Variants in NTM observed in about 807,000 individuals in gnomAD.
NTM encodes the protein neurotrimin.
In NTM, 13 loss-of-function variants were observed where a neutral mutation model predicts 42.1. The observed-to-expected ratio is 0.31, with a 90% CI of 0.20 to 0.49. The LOEUF (loss-of-function observed/expected upper bound fraction) is 0.49, where lower values mean the gene tolerates loss of function less well. Among genes scored for constraint, NTM ranks in the 20% least tolerant of loss-of-function variants. The probability of loss-of-function intolerance (pLI) is 0.99; values close to 1 mark genes in which losing one functional copy is unlikely to be tolerated. For missense variants in NTM, 373 were observed against 452.8 expected, an observed-to-expected ratio of 0.82 and a Z score of 1.60; for synonymous variants, 187 against 179.2, an observed-to-expected ratio of 1.04 and a Z score of -0.35.
chr11:131,904,071 A>C (rs1049235950), intron 1 of NTM, among the ~76,000 whole-genome samples: 7 of 152,176 alleles, frequency 4.6e-5, no homozygotes, highest in African/African-American at 1.7e-4. Flanking sequence ...ATATATTTGC[A>C]CAAATGTCAC....
rs765144275 is a variant in NTM at position 132,314,632 on chromosome 11, A to G, written c.863A>G (p.His288Arg). The G allele has an allele frequency of 8.7e-6, 14 of 1,613,908 alleles. 1 individual carries two copies. The South Asian group carries it at 1.2e-4, about 14-fold the overall frequency. The stretch of plus-strand genomic sequence containing the variant: ...CTCATCTTCTTCAATGTCTCTGAAC[A>G]TGACTATGGGAACTACACTTGCGTG... ...SKLIFFNVSE[H>R]DYGNYTCVAS... Residue 288 changes from histidine to arginine, a missense_variant, in exon 7 of 9, where the codon CAT (histidine) becomes CGT (arginine). His to Arg is a conservative substitution (Grantham distance 29). Around this residue, in one of 3 missense-constraint regions of NTM, gnomAD observed 312 missense variants for 353.5 expected, o/e 0.88. Coordinates refer to ENST00000683400, the MANE Select transcript of NTM (RefSeq NM_001352005.2).
chr11:131,594,971 A>C (rs1397648168), intron 1 of NTM, among the ~76,000 whole-genome samples: 1 of 152,216 alleles, frequency 6.6e-6, no homozygotes, highest in Admixed American at 6.5e-5. Context: ...TCTTACTTAT[A>C]AAACTGGTCT....
chr11:131,813,661 C>T (rs1278593539), intron 1 of NTM, among the ~76,000 whole-genome samples: 2 of 152,096 alleles, frequency 1.3e-5, no homozygotes, highest in African/African-American at 4.8e-5. Context: ...ACTGAGTTCC[C>T]CCAATAAAAT....
chr11:131,789,637 AAGAAGAAG>A (rs2090489838), intron 1 of NTM, among the ~76,000 whole-genome samples: 2 of 24,396 alleles, frequency 8.2e-5, no homozygotes, highest in Admixed American at 5.3e-4. Flanking sequence ...AGAAGAAGAA[AAGAAGAAG>A]AAGAAGAAGA....
At chr11:132,176,397 T>G (rs972701057) in intron 3 of NTM, among the ~76,000 whole-genome samples, 11 of 152,300 alleles carry the variant, frequency 7.2e-5, no homozygotes, top group Admixed American at 6.5e-4. Flanking sequence ...AGAAAGGTTT[T>G]TCATCTCAAT....
intron 1 of NTM, among the ~76,000 whole-genome samples, chr11:131,497,958 A>G (rs2136338657): frequency 6.6e-6 from 1 of 152,336 alleles, no homozygotes. Flanking sequence ...GAATTAGCTT[A>G]GACTGTGTGG....
intron 3 of NTM, among the ~76,000 whole-genome samples, chr11:132,171,062 A>G (rs1328373623): frequency 6.6e-6 from 1 of 152,184 alleles, no homozygotes; most frequent in Admixed American, 6.5e-5. Flanking sequence ...ACTAAATGTC[A>G]CATGTTTTTC....
At chr11:131,397,367 T>C (rs1591554490) in intron 1 of NTM, among the ~76,000 whole-genome samples, 1 of 152,198 alleles carries the variant, frequency 6.6e-6, no homozygotes, top group Non-Finnish European at 1.5e-5. Context: ...AAGTACTCCT[T>C]CAGAATAGCT....
intron 1 of NTM, among the ~76,000 whole-genome samples, chr11:131,475,138 C>G (rs1952796041): frequency 6.6e-6 from 1 of 152,192 alleles, no homozygotes; most frequent in African/African-American, 2.4e-5. Flanking sequence ...GTAGTCTGTT[C>G]TCCCAGTTGG....
At chr11:132,007,857 G>T (rs2071165423) in intron 2 of NTM, among the ~76,000 whole-genome samples, 2 of 152,072 alleles carry the variant, frequency 1.3e-5, no homozygotes, top group Non-Finnish European at 2.9e-5. Flanking sequence ...GCCAACTGAG[G>T]ATGAATTTTT....
intron 1 of NTM, among the ~76,000 whole-genome samples, chr11:131,433,101 C>G (rs1051499236): frequency 3.9e-5 from 6 of 151,944 alleles, no homozygotes; most frequent in African/African-American, 1.5e-4. Flanking sequence ...TCGTGATCCC[C>G]CCGTCTCGGC....
intron 1 of NTM, among the ~76,000 whole-genome samples, chr11:131,762,429 T>A (rs763811927): frequency 3.3e-5 from 5 of 152,210 alleles, no homozygotes; most frequent in Admixed American, 6.5e-5. Context: ...GAGTTCTACA[T>A]GTTCTTCATC....
chr11:131,902,882 T>C (rs899330264), intron 1 of NTM, among the ~76,000 whole-genome samples: 2 of 152,252 alleles, frequency 1.3e-5, no homozygotes, highest in East Asian at 3.8e-4. Context: ...TATAAAATGT[T>C]CTCTGTGACA....
chr11:132,017,996 T>A (rs1483860709), intron 2 of NTM, among the ~76,000 whole-genome samples: 1 of 152,058 alleles, frequency 6.6e-6, no homozygotes, highest in Non-Finnish European at 1.5e-5. Context: ...CTAAATTGTT[T>A]ACTAGTTCTA....
chr11:131,851,168 G>C (rs1328894882), intron 1 of NTM, among the ~76,000 whole-genome samples: 2 of 152,110 alleles, frequency 1.3e-5, no homozygotes, highest in Non-Finnish European at 1.5e-5. Flanking sequence ...GGGTCAAATG[G>C]ATCTAAATAA....
At chr11:131,795,141 A>C (rs938503363) in intron 1 of NTM, 1 of 428,116 alleles carries the variant, frequency 2.3e-6, no homozygotes. Context: ...TAAAGTATGC[A>C]TCTCAATCGC....
intron 1 of NTM, among the ~76,000 whole-genome samples, chr11:131,473,172 G>A (rs367824655): frequency 2.0e-5 from 3 of 152,126 alleles, no homozygotes; most frequent in African/African-American, 4.8e-5. Context: ...CTTGAACAGT[G>A]AGCCTCTCAC....
chr11:131,376,938 C>T (rs924818627), intron 1 of NTM, among the ~76,000 whole-genome samples: 10 of 152,046 alleles, frequency 6.6e-5, no homozygotes, highest in South Asian at 2.1e-4. Context: ...GATAAAACAG[C>T]GATGAAAAAG....
chr11:131,870,173 G>T (rs1440584194), intron 1 of NTM, among the ~76,000 whole-genome samples: 1 of 152,168 alleles, frequency 6.6e-6, no homozygotes, highest in African/African-American at 2.4e-5. Context: ...AGGAAAAATA[G>T]TTCCATGCTG....
Sources: gnomAD v4.1 joint callset for allele counts (sites outside exome capture counted in the v4.1 genomes callset) on GRCh38, gnomAD v4.1.1 for gene constraint, gnomAD v4.1.1 regional missense constraint, MANE v1.5 for transcripts, NCBI Gene and HGNC (gene_info 2026-07-23, HGNC 2026-07-21) for gene names.